The following ERCC6L2 variants were observed in gnomAD, a reference collection of about 807,000 sequenced individuals.
ERCC6L2 encodes ERCC excision repair 6 like 2, also known as DNA excision repair protein ERCC-6-like 2.
A neutral mutation model predicts 132.0 loss-of-function variants in ERCC6L2; 77 were observed. That is an observed-to-expected ratio of 0.58 (90% confidence interval 0.49 to 0.71). The LOEUF (loss-of-function observed/expected upper bound fraction) is 0.71, where lower values mean the gene tolerates loss of function less well. Ranked by LOEUF, ERCC6L2 falls within the 30% of genes least tolerant of loss-of-function variation. ERCC6L2 has a pLI of 0.00. For missense variants in ERCC6L2, 1,542 were observed against 1,837.6 expected, an observed-to-expected ratio of 0.84 and a Z score of 2.94; for synonymous variants, 583 against 632.4, an observed-to-expected ratio of 0.92 and a Z score of 1.17.
intron 19 of ERCC6L2, among the ~76,000 whole-genome samples, chr9:96,029,303 C>CAAAAAAAAAAAAAAAAAAAAAAAAAAAA (rs201014094): frequency 1.2e-5 from 1 of 81,778 alleles, no homozygotes; most frequent in Non-Finnish European, 2.5e-5. Flanking sequence ...GACTCCGTCT[C>CAAAAAAAAAAAAAAAAAAAAAAAAAAAA]AAAAAAAAAA....
At chr9:95,884,626 A>G (rs1182440630) in intron 2 of ERCC6L2, among the ~76,000 whole-genome samples, 1 of 152,026 alleles carries the variant, frequency 6.6e-6, no homozygotes, top group African/African-American at 2.4e-5. Context: ...CCTCATTTCA[A>G]ATTTAAAAGT....
At chr9:95,940,580 A>G (rs1830752072) in intron 11 of ERCC6L2, among the ~76,000 whole-genome samples, 1 of 152,024 alleles carries the variant, frequency 6.6e-6, no homozygotes, top group Non-Finnish European at 1.5e-5. Context: ...TGATTCCGTT[A>G]TTGTTAGAGA....
chr9:95,908,658 T>C (rs758820967), intron 4 of ERCC6L2, among the ~76,000 whole-genome samples: 1 of 152,114 alleles, frequency 6.6e-6, no homozygotes, highest in Non-Finnish European at 1.5e-5. Flanking sequence ...ATCATTAGTT[T>C]CCATCTGCTT....
intron 2 of ERCC6L2, among the ~76,000 whole-genome samples, chr9:95,883,940 A>T (rs1221572585): frequency 6.6e-6 from 1 of 152,228 alleles, no homozygotes; most frequent in African/African-American, 2.4e-5. Flanking sequence ...CTTAAATACA[A>T]TTCGAATTCA....
At position 96,017,176 on chromosome 9, in the gene ERCC6L2, C is replaced by A. The variant is rs1044309113; in HGVS notation, c.*3973C>A. ...TCCTCTGCCCAGTGCTTCTAGGAGG[C>A]CTTACTGGGATGGTTCATAAGCCAC... On this transcript the variant is annotated 3_prime_UTR_variant, in exon 19 of 19. Transcript: ENST00000653738. Among the ~76,000 whole-genome samples, 3 of 152,122 alleles carry A rather than the reference C, an allele frequency of 2.0e-5. No individual in the cohort carries two copies. The highest frequency in any genetic ancestry group is 7.2e-5 in the African/African-American group (3 of 41,406).
At chr9:95,903,470 T>A (rs2132638449) in intron 3 of ERCC6L2, among the ~76,000 whole-genome samples, 1 of 152,258 alleles carries the variant, frequency 6.6e-6, no homozygotes, top group Non-Finnish European at 1.5e-5. Context: ...TTGTGTTGAA[T>A]TTATAGTTAA....
At chr9:95,928,911 G>A in intron 11 of ERCC6L2, 47 bp downstream of exon 11, 1 of 1,343,450 alleles carries the variant, frequency 7.4e-7, no homozygotes, top group Non-Finnish European at 1.0e-6. Flanking sequence ...AATTGTTTTT[G>A]AGATTTAGCA....
At chr9:95,981,333 C>T (rs891517139) in intron 17 of ERCC6L2, among the ~76,000 whole-genome samples, 1 of 152,106 alleles carries the variant, frequency 6.6e-6, no homozygotes, top group African/African-American at 2.4e-5. Context: ...TCTTCAAATT[C>T]AACCATGTAT....
At chr9:95,876,187 C>T in intron 1 of ERCC6L2, 103 bp downstream of exon 1, 1 of 1,070,522 alleles carries the variant, frequency 9.3e-7, no homozygotes. Flanking sequence ...CCCTGTAGAT[C>T]CTCTTCAGTG....
chr9:95,976,535 TAC>T (rs1194743636), intron 16 of ERCC6L2, among the ~76,000 whole-genome samples: 1 of 152,234 alleles, frequency 6.6e-6, no homozygotes, highest in African/African-American at 2.4e-5. Context: ...GTCTGTCAGG[TAC>T]CCTGTTGCTT....
chr9:95,900,966 C>T (rs1828743962), intron 3 of ERCC6L2, among the ~76,000 whole-genome samples: 1 of 151,514 alleles, frequency 6.6e-6, no homozygotes, highest in Non-Finnish European at 1.5e-5. Context: ...CCCAGCTACT[C>T]AGGAGGCTGA....
chr9:96,020,743 A>C (rs902182974), downstream of ERCC6L2: 9 of 456,338 alleles, frequency 2.0e-5, no homozygotes, highest in African/African-American at 1.8e-4. Context: ...TCCTCAGAAA[A>C]GGCCACTTCC....
At chr9:95,902,442 A>C (rs1192983511) in intron 3 of ERCC6L2, among the ~76,000 whole-genome samples, 3 of 152,152 alleles carry the variant, frequency 2.0e-5, no homozygotes, top group Non-Finnish European at 2.9e-5. Flanking sequence ...AATTTAACAA[A>C]AATATTTTAT....
chr9:96,037,617 C>T (rs1381313877), intron 19 of ERCC6L2, among the ~76,000 whole-genome samples: 8 of 152,162 alleles, frequency 5.3e-5, no homozygotes, highest in African/African-American at 1.7e-4. Context: ...AGGCACATGT[C>T]GAGGTAGAAG....
At chr9:96,022,081 C>G (rs932515568), downstream of ERCC6L2, among the ~76,000 whole-genome samples, 2 of 152,248 alleles carry the variant, frequency 1.3e-5, no homozygotes, top group Non-Finnish European at 2.9e-5. Context: ...GCCAAGTGGC[C>G]GCTCTCAACC....
rs528121454 is a variant in ERCC6L2, at chr9:95,995,910, C to T, written c.3493-8610C>T. On this transcript the variant is annotated intron_variant, in intron 17 of 18. Coordinates refer to ENST00000653738, the MANE Select transcript of ERCC6L2 (RefSeq NM_020207.7). ...ATCCCTCTCCTTAGACCTCCCCATT[C>T]CCTGAAATGCAACAGTATTGAAGTT... Among the ~76,000 whole-genome samples the T allele has an allele frequency of 2.6e-5, 4 of 152,308 alleles. No homozygotes were observed. In the South Asian group the frequency reaches 8.3e-4, roughly 32 times the overall value.
rs1039058867 is a variant in ERCC6L2 at position 95,930,981 on chromosome 9, G to A, written c.1751+2117G>A. On this transcript the variant is annotated intron_variant, in intron 11 of 18. Transcript: ENST00000653738. ...GTAACCGGTTATTGTCCATAGGTTG[G>A]CATTAAAATTTGAAGGCAAAAAAGC... Among the ~76,000 whole-genome samples the A allele has an allele frequency of 3.3e-5, 5 of 152,164 alleles. 1 individual carries two copies. The Middle Eastern group carries it at 0.01, about 311-fold the overall frequency.
intron 12 of ERCC6L2, among the ~76,000 whole-genome samples, chr9:95,952,360 G>T (rs528419984): frequency 2.0e-5 from 3 of 152,022 alleles, no homozygotes; most frequent in African/African-American, 7.2e-5. Context: ...TCAGTAAAAT[G>T]CCAGCAAACT....
At chr9:95,916,032 T>C (rs1829569583) in intron 5 of ERCC6L2, among the ~76,000 whole-genome samples, 195 bp from the exon 6 acceptor site, 1 of 152,182 alleles carries the variant, frequency 6.6e-6, no homozygotes, top group Admixed American at 6.5e-5. Context: ...GAAGTAAATA[T>C]ACATGTTCAC....
Sources: allele counts gnomAD v4.1 joint callset (sites outside exome capture counted in the v4.1 genomes callset), GRCh38; gene constraint gnomAD v4.1.1; transcripts MANE v1.5; gene names NCBI Gene and HGNC (gene_info 2026-07-23, HGNC 2026-07-21).